Variants in GALNT13 observed in about 807,000 individuals in gnomAD.
GALNT13 encodes UDP-GalNAc:polypeptide N-acetylgalactosaminyltransferase 13.
A neutral mutation model predicts 64.2 loss-of-function variants in GALNT13; 28 were observed. The ratio of observed to expected loss-of-function variants is 0.44; its 90% confidence interval spans 0.32 to 0.60. The LOEUF is 0.60. Among genes scored for constraint, GALNT13 ranks in the 20% least tolerant of loss-of-function variants. The pLI, the probability that GALNT13 is intolerant of heterozygous loss-of-function variation, is 0.05. For synonymous variants in GALNT13, 214 were observed against 224.6 expected, an observed-to-expected ratio of 0.95 and a Z score of 0.42; for missense variants, 577 against 669.8, an observed-to-expected ratio of 0.86 and a Z score of 1.53.
At chr2:154,289,988 G>A (rs1194097424) in intron 8 of GALNT13, among the ~76,000 whole-genome samples, 3 of 152,194 alleles carry the variant, frequency 2.0e-5, no homozygotes, top group Admixed American at 6.5e-5. Flanking sequence ...TGTGGTCTAG[G>A]AGACTCAGGA....
chr2:154,163,375 A>G (rs1220949883), intron 4 of GALNT13, among the ~76,000 whole-genome samples: 1 of 152,116 alleles, frequency 6.6e-6, no homozygotes, highest in Admixed American at 6.5e-5. Flanking sequence ...AAAAGAGAGA[A>G]GAATCAAATA....
intron 9 of GALNT13, among the ~76,000 whole-genome samples, chr2:154,346,332 C>G (rs1696064350): frequency 6.6e-6 from 1 of 152,080 alleles, no homozygotes; most frequent in Non-Finnish European, 1.5e-5. Flanking sequence ...TGTCCTCTCT[C>G]TCACAGACTG....
At chr2:154,167,841 G>A (rs531274624) in intron 4 of GALNT13, among the ~76,000 whole-genome samples, 1 of 152,294 alleles carries the variant, frequency 6.6e-6, no homozygotes, top group South Asian at 2.1e-4. Context: ...TCCTATGGAT[G>A]GTACCCTGGT....
At chr2:153,136,926 A>G in the GALNT13 span, among the ~76,000 whole-genome samples, 1 of 151,784 alleles carries the variant, frequency 6.6e-6, no homozygotes, top group East Asian at 1.9e-4. Context: ...CCCCAAACAC[A>G]GCTCCATCTG....
intron 2 of GALNT13, among the ~76,000 whole-genome samples, chr2:153,932,057 TTTC>T (rs1219620333): frequency 1.7e-4 from 26 of 152,174 alleles, no homozygotes; most frequent in Admixed American, 1.6e-3. Context: ...AATTTATCCA[TTTC>T]TTCTGTTTTC....
At chr2:154,369,320 C>A (rs2105306444) in intron 9 of GALNT13, among the ~76,000 whole-genome samples, 1 of 152,084 alleles carries the variant, frequency 6.6e-6, no homozygotes, top group African/African-American at 2.4e-5. Flanking sequence ...GGGTAAGATT[C>A]ATTTATAGAA....
the GALNT13 span, among the ~76,000 whole-genome samples, chr2:153,545,610 G>T: frequency 5.3e-5 from 8 of 152,160 alleles, no homozygotes; most frequent in African/African-American, 1.9e-4. Flanking sequence ...CAGCCCGAGG[G>T]ATAGATTCTA....
intron 1 of GALNT13, among the ~76,000 whole-genome samples, chr2:153,890,959 T>G (rs527352149): frequency 2.0e-5 from 3 of 152,074 alleles, no homozygotes; most frequent in Non-Finnish European, 2.9e-5. Flanking sequence ...TTCCACTTAT[T>G]TATTGATGCT....
chr2:153,865,008 T>A, the GALNT13 span, among the ~76,000 whole-genome samples: 1 of 149,688 alleles, frequency 6.7e-6, no homozygotes, highest in Admixed American at 6.7e-5. Flanking sequence ...TAACGCCGCC[T>A]ACCTACAACT....
chr2:154,407,936 T>A (rs1343382970), intron 10 of GALNT13, among the ~76,000 whole-genome samples: 1 of 152,114 alleles, frequency 6.6e-6, no homozygotes, highest in East Asian at 1.9e-4. Flanking sequence ...TCTATATGTT[T>A]ATGTAGTAAG....
chr2:154,255,272 G>C (rs749201181), intron 7 of GALNT13, among the ~76,000 whole-genome samples: 6 of 152,174 alleles, frequency 3.9e-5, no homozygotes, highest in Non-Finnish European at 5.9e-5. Flanking sequence ...AGTTATTGTA[G>C]AGGCGGGAGC....
chr2:153,435,792 C>T, the GALNT13 span, among the ~76,000 whole-genome samples: 1 of 152,076 alleles, frequency 6.6e-6, no homozygotes, highest in East Asian at 1.9e-4. Context: ...ATTTGACTTC[C>T]TCTTTTCCTA....
chr2:153,462,301 T>A, the GALNT13 span, among the ~76,000 whole-genome samples: 1 of 152,120 alleles, frequency 6.6e-6, no homozygotes, highest in African/African-American at 2.4e-5. Flanking sequence ...ACTACAGTAA[T>A]CATTCATATT....
At chr2:153,409,747 T>G in the GALNT13 span, among the ~76,000 whole-genome samples, 1 of 152,056 alleles carries the variant, frequency 6.6e-6, no homozygotes, top group Non-Finnish European at 1.5e-5. Flanking sequence ...AAGAAAAAGT[T>G]AAGGAAATTT....
chr2:153,331,955 G>A, the GALNT13 span, among the ~76,000 whole-genome samples: 1 of 152,082 alleles, frequency 6.6e-6, no homozygotes, highest in African/African-American at 2.4e-5. Context: ...TTTATAGTTT[G>A]TGTGCATAGA....
At chr2:153,404,787 A>C in the GALNT13 span, among the ~76,000 whole-genome samples, 1 of 152,266 alleles carries the variant, frequency 6.6e-6, no homozygotes, top group Admixed American at 6.5e-5. Flanking sequence ...TAAATTCAGT[A>C]AACGAGACTG....
At chr2:153,179,275 CTATT>C in the GALNT13 span, among the ~76,000 whole-genome samples, 2 of 152,140 alleles carry the variant, frequency 1.3e-5, no homozygotes, top group African/African-American at 2.4e-5. Context: ...TTACTCAACA[CTATT>C]TATTTAAGGG....
chr2:154,058,764 C>G (rs1358824835), intron 3 of GALNT13, among the ~76,000 whole-genome samples: 1 of 152,094 alleles, frequency 6.6e-6, no homozygotes, highest in South Asian at 2.1e-4. Flanking sequence ...GTTTGGAGAT[C>G]TAATAGGAGT....
At chr2:153,236,893 T>C in the GALNT13 span, among the ~76,000 whole-genome samples, 1 of 152,106 alleles carries the variant, frequency 6.6e-6, no homozygotes, top group Admixed American at 6.6e-5. Context: ...GCAAAGTAAA[T>C]TGAAAACTTT....
Sources: allele counts gnomAD v4.1 joint callset (sites outside exome capture counted in the v4.1 genomes callset), GRCh38; gene constraint gnomAD v4.1.1; transcripts MANE v1.5; gene names NCBI Gene and HGNC (gene_info 2026-07-23, HGNC 2026-07-21).